PAPPA2: variants seen among roughly 807,000 people sequenced by gnomAD.
The protein encoded by PAPPA2 is pappalysin 2, also known as pappalysin-2.
A neutral mutation model predicts 176.4 loss-of-function variants in PAPPA2; 86 were observed. The ratio of observed to expected loss-of-function variants is 0.49; its 90% CI spans 0.41 to 0.58. The LOEUF (loss-of-function observed/expected upper bound fraction) is 0.58. PAPPA2 is among the 20% of genes least tolerant of loss of function. PAPPA2 has a pLI of 0.00. For missense variants in PAPPA2, 2,073 were observed against 2,256.9 expected, an observed-to-expected ratio of 0.92 and a Z score of 1.65; for synonymous variants, 809 against 852.2, an observed-to-expected ratio of 0.95 and a Z score of 0.88.
At chr1:176,749,885 C>T (rs982248156) in intron 14 of PAPPA2, among the ~76,000 whole-genome samples, 1 of 152,184 alleles carries the variant, frequency 6.6e-6, no homozygotes, top group African/African-American at 2.4e-5. Context: ...TATTGAAGGA[C>T]ATCTTGGTTT....
At chr1:176,606,318 C>T (rs1654608852) in intron 3 of PAPPA2, among the ~76,000 whole-genome samples, 1 of 152,080 alleles carries the variant, frequency 6.6e-6, no homozygotes, top group Non-Finnish European at 1.5e-5. Context: ...TACACACCAG[C>T]AAAATGTTTA....
intron 2 of PAPPA2, among the ~76,000 whole-genome samples, chr1:176,572,499 T>C (rs890159795): frequency 6.6e-6 from 1 of 152,184 alleles, no homozygotes; most frequent in Non-Finnish European, 1.5e-5. Flanking sequence ...ACTCTGAGCC[T>C]TTAGGTTCTG....
In PAPPA2 at chr1:176,706,550, A is replaced by G. The variant is rs747868675; in HGVS notation, c.3457+100A>G. On this transcript the variant is annotated intron_variant, in intron 10 of 22. Transcript: ENST00000367662. Reference sequence around the variant, plus strand: ...TGTAACATCTAGCTTAGTGATTATAATAATAACCTCTGATGTGTCCCTTGT... The same window carrying G: ...TGTAACATCTAGCTTAGTGATTATAGTAATAACCTCTGATGTGTCCCTTGT... 18 of 992,320 alleles carry G rather than the reference A, an allele frequency of 1.8e-5. No individual in the cohort carries two copies. The East Asian group carries it at 2.1e-4, about 11-fold the overall frequency. The allele number at this position is 992,320 out of a possible 1,614,324, so 61.5% of individuals were successfully genotyped here. A position where few individuals can be genotyped will look rare whatever the true frequency, so the allele number is the denominator to read the frequency against.
intron 9 of PAPPA2, 75 bp downstream of exon 9, chr1:176,702,810 A>G (rs60571846): frequency 2.0e-6 from 3 of 1,524,510 alleles, no homozygotes; most frequent in African/African-American, 1.4e-5. Context: ...AGAGGGAGGG[A>G]GAGAGAGCAG....
intron 3 of PAPPA2, among the ~76,000 whole-genome samples, chr1:176,662,908 A>C (rs1277354561): frequency 6.6e-6 from 1 of 152,206 alleles, no homozygotes; most frequent in Non-Finnish European, 1.5e-5. Context: ...CAATAAGGAA[A>C]TTTATTCACT....
intron 1 of PAPPA2, among the ~76,000 whole-genome samples, chr1:176,525,557 T>A (rs1476803821): frequency 2.0e-5 from 3 of 152,026 alleles, no homozygotes; most frequent in East Asian, 3.8e-4. Flanking sequence ...TGGAGAACAT[T>A]AAAAAAAATC....
chr1:176,659,792 C>A (rs1402149832), intron 3 of PAPPA2, among the ~76,000 whole-genome samples: 2 of 151,986 alleles, frequency 1.3e-5, no homozygotes, highest in African/African-American at 2.4e-5. Context: ...AATGTGTCTG[C>A]CAAATAACCC....
intron 12 of PAPPA2, among the ~76,000 whole-genome samples, chr1:176,723,090 AG>A (rs1661698394): frequency 6.6e-6 from 1 of 152,164 alleles, no homozygotes; most frequent in South Asian, 2.1e-4. Flanking sequence ...ACATGGTACC[AG>A]GGTAGTAGGG....
At chr1:176,788,059 T>C (rs1016972598) in intron 17 of PAPPA2, among the ~76,000 whole-genome samples, 1 of 150,988 alleles carries the variant, frequency 6.6e-6, no homozygotes, top group African/African-American at 2.4e-5. Context: ...AAATTCCATC[T>C]CAGAAAAAAA....
chr1:176,654,593 AT>A (rs1414697106), intron 3 of PAPPA2, among the ~76,000 whole-genome samples: 3 of 150,330 alleles, frequency 2.0e-5, no homozygotes, highest in Non-Finnish European at 1.5e-5. Flanking sequence ...GAATTTTAGG[AT>A]TTTTTTCTAA....
chr1:176,601,410 G>T (rs565444174), intron 3 of PAPPA2, among the ~76,000 whole-genome samples: 8 of 152,264 alleles, frequency 5.3e-5, no homozygotes, highest in Admixed American at 5.2e-4. Context: ...GCCCAAAGTA[G>T]TTCCTCTCCC....
At chr1:176,800,277 G>A (rs1037473922) in intron 21 of PAPPA2, 145 bp downstream of exon 21, 18 of 753,416 alleles carry the variant, frequency 2.4e-5, no homozygotes, top group Admixed American at 3.5e-5. Context: ...TTGGTTCCAC[G>A]ATCTTAAATT....
intron 1 of PAPPA2, among the ~76,000 whole-genome samples, chr1:176,493,136 A>G (rs1647384534): frequency 6.6e-6 from 1 of 152,200 alleles, no homozygotes; most frequent in African/African-American, 2.4e-5. Flanking sequence ...CAATGTGATT[A>G]TGATTCCATG....
chr1:176,817,310 C>T (rs1263703536), intron 21 of PAPPA2, among the ~76,000 whole-genome samples: 1 of 152,088 alleles, frequency 6.6e-6, no homozygotes, highest in Non-Finnish European at 1.5e-5. Context: ...TTTAGAGAAC[C>T]ACTAGAGGAT....
chr1:176,627,391 AAGAT>A (rs1333599070), intron 3 of PAPPA2, among the ~76,000 whole-genome samples: 1 of 152,190 alleles, frequency 6.6e-6, no homozygotes, highest in Non-Finnish European at 1.5e-5. Context: ...TGGGATAGCA[AAGAT>A]CTCTAAGTCT....
chr1:176,525,557 T>TA (rs529150047), intron 1 of PAPPA2, among the ~76,000 whole-genome samples: 15 of 152,142 alleles, frequency 9.9e-5, no homozygotes, highest in South Asian at 6.2e-4. Context: ...TGGAGAACAT[T>TA]AAAAAAAATC....
intron 3 of PAPPA2, among the ~76,000 whole-genome samples, chr1:176,652,777 C>G (rs990064488): frequency 6.6e-6 from 1 of 151,604 alleles, no homozygotes; most frequent in African/African-American, 2.4e-5. Context: ...AATTGTCCAC[C>G]TTGATCTTAA....
chr1:176,705,494 A>C (rs1660841877), intron 9 of PAPPA2, among the ~76,000 whole-genome samples: 1 of 152,174 alleles, frequency 6.6e-6, no homozygotes, highest in African/African-American at 2.4e-5. Flanking sequence ...ACTGAGTTAA[A>C]ATATATGTCC....
chr1:176,792,355 T>C (rs1665215592), intron 19 of PAPPA2, among the ~76,000 whole-genome samples: 1 of 152,222 alleles, frequency 6.6e-6, no homozygotes, highest in South Asian at 2.1e-4. Context: ...TATCGGACAT[T>C]CTAACCAATG....
Sources: gnomAD v4.1 joint callset for allele counts (sites outside exome capture counted in the v4.1 genomes callset) on GRCh38, gnomAD v4.1.1 for gene constraint, MANE v1.5 for transcripts, NCBI Gene and HGNC (gene_info 2026-07-23, HGNC 2026-07-21) for gene names.